CNTN1: variants seen among roughly 807,000 people sequenced by gnomAD.
CNTN1 encodes the protein contactin-1.
Under a neutral mutation model 126.4 loss-of-function variants are expected in CNTN1, and 38 were observed. The ratio of observed to expected loss-of-function variants is 0.30; its 90% CI spans 0.23 to 0.39. The LOEUF (loss-of-function observed/expected upper bound fraction) is 0.39. CNTN1 is among the 10% of genes least tolerant of loss of function. CNTN1 has a pLI of 1.00. For synonymous variants in CNTN1, 413 were observed against 422.6 expected, an observed-to-expected ratio of 0.98 and a Z score of 0.28; for missense variants, 1,009 against 1,248.4, an observed-to-expected ratio of 0.81 and a Z score of 2.89.
intron 15 of CNTN1, chr12:40,971,737 C>G (rs1947519158): frequency 7.7e-7 from 1 of 1,305,802 alleles, no homozygotes; most frequent in South Asian, 1.8e-5. Context: ...AGTGAACTAA[C>G]TCAGTACATT....
rs531640455 is a variant in CNTN1, at chr12:40,991,414, T to C, written c.1964-1706T>C. Reference sequence around the variant, plus strand: ...AGCCTTTTTTTTTTTCCATATAAGATAACATTTACAGGTTCTGGTAATTTG... The same window carrying C: ...AGCCTTTTTTTTTTTCCATATAAGACAACATTTACAGGTTCTGGTAATTTG... On this transcript the variant is annotated intron_variant, in intron 16 of 23. Coordinates refer to ENST00000551295, the MANE Select transcript of CNTN1 (RefSeq NM_001843.4). Among the ~76,000 whole-genome samples the C allele has an allele frequency of 1.8e-4, 27 of 152,104 alleles. No homozygotes were observed. The East Asian group carries it at 2.1e-3, about 12-fold the overall frequency.
chr12:40,860,428 C>T (rs1280740386), intron 1 of CNTN1, among the ~76,000 whole-genome samples: 1 of 152,064 alleles, frequency 6.6e-6, no homozygotes. Context: ...TTAGTGCAGA[C>T]CCCACAGGTT....
chr12:40,921,145 A>G (rs913780917), intron 4 of CNTN1, among the ~76,000 whole-genome samples: 1 of 152,192 alleles, frequency 6.6e-6, no homozygotes, highest in Non-Finnish European at 1.5e-5. Flanking sequence ...ACAGTTTTCT[A>G]TACTTGCTTT....
intron 19 of CNTN1, among the ~76,000 whole-genome samples, chr12:41,019,434 C>T (rs1390302524): frequency 6.6e-6 from 1 of 152,204 alleles, no homozygotes; most frequent in African/African-American, 2.4e-5. Context: ...GTGTTAATCT[C>T]TTCTTCCACT....
At chr12:40,882,831 AC>A (rs1449460730) in intron 1 of CNTN1, among the ~76,000 whole-genome samples, 1 of 151,486 alleles carries the variant, frequency 6.6e-6, no homozygotes, top group Non-Finnish European at 1.5e-5. Flanking sequence ...AATAGCAAAG[AC>A]CTTTTAAAAT....
intron 15 of CNTN1, among the ~76,000 whole-genome samples, chr12:40,968,884 G>A (rs566335246): frequency 1.3e-4 from 20 of 152,056 alleles, no homozygotes; most frequent in Admixed American, 2.6e-4. Context: ...TTTGTATTGT[G>A]CATCTCTATC....
At chr12:40,999,696 GC>G (rs1402948865) in intron 17 of CNTN1, among the ~76,000 whole-genome samples, 21 of 118,306 alleles carry the variant, frequency 1.8e-4, no homozygotes, top group Admixed American at 1.1e-3. Context: ...GTTCTTCTGT[GC>G]TTTTTTTTTT....
At chr12:40,951,869 G>A (rs117673799) in intron 14 of CNTN1, among the ~76,000 whole-genome samples, 2 of 152,048 alleles carry the variant, frequency 1.3e-5, no homozygotes, top group East Asian at 1.9e-4. Flanking sequence ...ATAATATCCG[G>A]AATTTATTTT....
At chr12:40,885,272 G>C (rs1181349250) in intron 1 of CNTN1, among the ~76,000 whole-genome samples, 1 of 151,908 alleles carries the variant, frequency 6.6e-6, no homozygotes, top group Non-Finnish European at 1.5e-5. Context: ...GAAGGTTTTT[G>C]TGAGGGGTGA....
chr12:40,723,374 G>A (rs1220347312), intron 1 of CNTN1, among the ~76,000 whole-genome samples: 4 of 152,104 alleles, frequency 2.6e-5, no homozygotes, highest in Admixed American at 1.3e-4. Flanking sequence ...GCTGCTTTAC[G>A]CTTTCAGTTT....
At chr12:40,886,443 T>C (rs895605538) in intron 1 of CNTN1, among the ~76,000 whole-genome samples, 18 of 152,048 alleles carry the variant, frequency 1.2e-4, no homozygotes, top group African/African-American at 4.1e-4. Flanking sequence ...GTTAAGAGTC[T>C]TTTATCGTAG....
chr12:40,964,521 AGTGAGTGTGTGTGT>A (rs1947228492), intron 15 of CNTN1, among the ~76,000 whole-genome samples: 1 of 112,720 alleles, frequency 8.9e-6, no homozygotes, highest in South Asian at 2.5e-4. Context: ...ACACCGTGTA[AGTGAGTGTGTGTGT>A]GTGTGTGTGT....
At chr12:40,969,721 T>C (rs1947434558) in intron 15 of CNTN1, among the ~76,000 whole-genome samples, 1 of 152,182 alleles carries the variant, frequency 6.6e-6, no homozygotes, top group Admixed American at 6.5e-5. Flanking sequence ...ATGTGCATTT[T>C]CCAGGGCACC....
At chr12:40,900,478 A>G (rs992045094) in intron 1 of CNTN1, among the ~76,000 whole-genome samples, 5 of 152,136 alleles carry the variant, frequency 3.3e-5, no homozygotes, top group Non-Finnish European at 7.4e-5. Flanking sequence ...AAAGTTTGAG[A>G]AAATGCAGAA....
At chr12:40,960,742 T>C (rs1242306306) in intron 15 of CNTN1, among the ~76,000 whole-genome samples, 1 of 152,090 alleles carries the variant, frequency 6.6e-6, no homozygotes, top group Non-Finnish European at 1.5e-5. Context: ...TCTGGGACAT[T>C]GATTGTTTTC....
intron 14 of CNTN1, among the ~76,000 whole-genome samples, chr12:40,951,476 T>C (rs1415370026): frequency 2.0e-5 from 3 of 152,032 alleles, no homozygotes. Flanking sequence ...ATGCATTTCT[T>C]AAAATAACCC....
intron 17 of CNTN1, among the ~76,000 whole-genome samples, chr12:40,998,098 A>G (rs1382124186): frequency 1.3e-5 from 2 of 152,160 alleles, no homozygotes; most frequent in East Asian, 3.8e-4. Flanking sequence ...CAAGGCAACA[A>G]TAGATTTGCA....
intron 1 of CNTN1, among the ~76,000 whole-genome samples, chr12:40,891,470 A>G (rs1287293049): frequency 6.6e-6 from 1 of 152,170 alleles, no homozygotes; most frequent in East Asian, 1.9e-4. Flanking sequence ...AGTTATTTCC[A>G]TACCTACTTT....
At chr12:41,007,049 T>TA (rs1265004008) in intron 17 of CNTN1, among the ~76,000 whole-genome samples, 2 of 58,542 alleles carry the variant, frequency 3.4e-5, no homozygotes, top group African/African-American at 2.4e-4. Flanking sequence ...TGTGTGGTTT[T>TA]TTTTTTTTTT....
Sources: allele counts gnomAD v4.1 joint callset (sites outside exome capture counted in the v4.1 genomes callset), GRCh38; gene constraint gnomAD v4.1.1; transcripts MANE v1.5; gene names NCBI Gene and HGNC (gene_info 2026-07-23, HGNC 2026-07-21).